The following SIPA1L3 variants were observed in gnomAD, a reference collection of about 807,000 sequenced individuals.
SIPA1L3 encodes the protein signal-induced proliferation-associated 1-like protein 3.
SIPA1L3 carries 59 observed loss-of-function variants against 150.1 expected under a neutral mutation model. The observed-to-expected ratio is 0.39, with a 90% CI of 0.32 to 0.49. SIPA1L3 has a LOEUF of 0.49. Among genes scored for constraint, SIPA1L3 ranks in the 20% least tolerant of loss-of-function variants. The pLI is 0.86. For missense variants in SIPA1L3, 2,211 were observed against 2,489.5 expected, an observed-to-expected ratio of 0.89 and a Z score of 2.38; for synonymous variants, 1,070 against 1,077.6, an observed-to-expected ratio of 0.99 and a Z score of 0.14.
chr19:38,098,392 A>ATTTTT (rs71179411), intron 4 of SIPA1L3, among the ~76,000 whole-genome samples: 3 of 113,728 alleles, frequency 2.6e-5, no homozygotes, highest in African/African-American at 1.0e-4. Context: ...AGGGGCTTTC[A>ATTTTT]TTTTTTTTTT....
intron 2 of SIPA1L3, among the ~76,000 whole-genome samples, chr19:38,053,140 G>A (rs1969235411): frequency 6.6e-6 from 1 of 152,222 alleles, no homozygotes; most frequent in South Asian, 2.1e-4. Flanking sequence ...CTTCACGGAG[G>A]TGAGGGGAGC....
intron 1 of SIPA1L3, among the ~76,000 whole-genome samples, chr19:37,951,725 C>T (rs549733504): frequency 6.6e-5 from 10 of 151,878 alleles, no homozygotes; most frequent in South Asian, 2.1e-4. Context: ...AGTGAAACCC[C>T]GTCTCTACTA....
intron 1 of SIPA1L3, among the ~76,000 whole-genome samples, chr19:38,017,685 G>A (rs1458177722): frequency 6.6e-6 from 1 of 151,944 alleles, no homozygotes; most frequent in Non-Finnish European, 1.5e-5. Flanking sequence ...CCACATGCCT[G>A]GCTGATTTTT....
Position 38,193,749 on chromosome 19 carries a change from T to C in SIPA1L3, c.4809T>C (p.Pro1603=), listed in dbSNP as rs368914529. The C allele has an allele frequency of 1.8e-4, 284 of 1,572,848 alleles. 1 individual carries two copies. In the African/African-American group the frequency reaches 3.3e-3, roughly 18 times the overall value. Residue 1603 remains proline, a synonymous_variant, in exon 18 of 22, where the codon CCT becomes CCC. Transcript: ENST00000222345. ...CGCCCGTCGGCCCCGGTGCCACCCC[T>C]GCCGCCGGCAGCGGCTTTCCCGAGA... ...PHPPVGPGAT[P]AAGSGFPEKK...
intron 3 of SIPA1L3, among the ~76,000 whole-genome samples, chr19:38,085,473 C>T (rs1324809900): frequency 1.4e-5 from 2 of 140,450 alleles, no homozygotes; most frequent in Non-Finnish European, 3.0e-5. Flanking sequence ...GAGTGAGACT[C>T]CGTCTCAAAA....
At chr19:37,936,336 A>G (rs1038603698) in intron 1 of SIPA1L3, among the ~76,000 whole-genome samples, 4 of 152,164 alleles carry the variant, frequency 2.6e-5, no homozygotes, top group African/African-American at 9.7e-5. Flanking sequence ...ACAGCCACAG[A>G]AGTGGTGGGT....
intron 1 of SIPA1L3, among the ~76,000 whole-genome samples, chr19:37,992,683 G>GT: frequency 6.6e-6 from 1 of 151,598 alleles, no homozygotes; most frequent in Non-Finnish European, 1.5e-5. Flanking sequence ...GAATGGGATG[G>GT]TTCTAGAAAA....
chr19:38,188,805 C>T (rs1972744416), intron 16 of SIPA1L3, among the ~76,000 whole-genome samples: 1 of 151,826 alleles, frequency 6.6e-6, no homozygotes, highest in Non-Finnish European at 1.5e-5. Context: ...CACCTGTAGT[C>T]CCAGCTACTC....
chr19:38,205,103 A>G (rs1405940945), intron 21 of SIPA1L3, among the ~76,000 whole-genome samples: 3 of 152,144 alleles, frequency 2.0e-5, no homozygotes, highest in African/African-American at 4.8e-5. Flanking sequence ...TTTAACCACC[A>G]TGGTTGAGAG....
intron 16 of SIPA1L3, among the ~76,000 whole-genome samples, chr19:38,189,386 C>T (rs975292738): frequency 6.6e-6 from 1 of 152,128 alleles, no homozygotes; most frequent in Non-Finnish European, 1.5e-5. Context: ...CCACTTACGC[C>T]TCCCAAAGTG....
chr19:37,913,990 A>G (rs1177754996), intron 1 of SIPA1L3, among the ~76,000 whole-genome samples: 12 of 138,322 alleles, frequency 8.7e-5, no homozygotes, highest in Admixed American at 4.0e-4. Flanking sequence ...GCACCACTGC[A>G]CTCCAGCCTG....
At chr19:38,197,221 G>A (rs893479520) in intron 18 of SIPA1L3, among the ~76,000 whole-genome samples, 2 of 152,036 alleles carry the variant, frequency 1.3e-5, no homozygotes, top group African/African-American at 2.4e-5. Flanking sequence ...CTGGGCCCAC[G>A]GTCAGGCTCT....
At chr19:38,111,396 A>G (rs1214413480) in intron 8 of SIPA1L3, among the ~76,000 whole-genome samples, 1 of 152,098 alleles carries the variant, frequency 6.6e-6, no homozygotes, top group Non-Finnish European at 1.5e-5. Context: ...ATTCCATTGT[A>G]TGGATGTGGA....
chr19:38,117,772 CAG>C (rs776651347), intron 8 of SIPA1L3, among the ~76,000 whole-genome samples: 1 of 152,008 alleles, frequency 6.6e-6, no homozygotes, highest in Non-Finnish European at 1.5e-5. Flanking sequence ...CTTGGGGGAA[CAG>C]AGTCTTCAGA....
intron 1 of SIPA1L3, among the ~76,000 whole-genome samples, chr19:37,997,725 G>T (rs1239162497): frequency 6.6e-6 from 1 of 151,730 alleles, no homozygotes; most frequent in Admixed American, 6.6e-5. Context: ...AAATTATCTG[G>T]GCGCAGTGGT....
chr19:38,024,559 G>A (rs545313925), intron 1 of SIPA1L3, among the ~76,000 whole-genome samples: 40 of 152,072 alleles, frequency 2.6e-4, no homozygotes, highest in African/African-American at 9.4e-4. Context: ...GCTGGCCCTG[G>A]GCCCCAGATA....
intron 1 of SIPA1L3, among the ~76,000 whole-genome samples, chr19:37,999,726 G>A (rs936138640): frequency 2.6e-5 from 4 of 152,262 alleles, no homozygotes; most frequent in Non-Finnish European, 4.4e-5. Flanking sequence ...GCTTCCGGCT[G>A]TCTCACTTCT....
At chr19:37,957,803 C>G (rs2046824374) in intron 1 of SIPA1L3, among the ~76,000 whole-genome samples, 1 of 152,054 alleles carries the variant, frequency 6.6e-6, no homozygotes, top group African/African-American at 2.4e-5. Context: ...GCCTCGACTT[C>G]TGAGCTCAAG....
intron 1 of SIPA1L3, among the ~76,000 whole-genome samples, chr19:37,935,223 C>T (rs939536674): frequency 3.9e-5 from 6 of 152,074 alleles, no homozygotes; most frequent in Non-Finnish European, 8.8e-5. Context: ...ATAGATTCAT[C>T]ACACTTAGCC....
Sources: gnomAD v4.1 joint callset for allele counts (sites outside exome capture counted in the v4.1 genomes callset) on GRCh38, gnomAD v4.1.1 for gene constraint, MANE v1.5 for transcripts, NCBI Gene and HGNC (gene_info 2026-07-23, HGNC 2026-07-21) for gene names.